DCDC1: variants seen among roughly 807,000 people sequenced by gnomAD.
DCDC1 encodes doublecortin domain containing 1.
Under a neutral mutation model 178.3 loss-of-function variants are expected in DCDC1, and 200 were observed. The observed-to-expected ratio is 1.12, with a 90% CI of 1.00 to 1.26. The LOEUF (loss-of-function observed/expected upper bound fraction) is 1.26. Ranked by LOEUF, DCDC1 falls within the 50% of genes most tolerant of loss-of-function variation. The pLI is 0.00. For missense variants in DCDC1, 1,983 were observed against 1,749.2 expected, an observed-to-expected ratio of 1.13 and a Z score of -2.38; for synonymous variants, 690 against 604.8, an observed-to-expected ratio of 1.14 and a Z score of -2.07.
chr11:31,089,930 T>G (rs1032129174), intron 17 of DCDC1, among the ~76,000 whole-genome samples: 1 of 152,168 alleles, frequency 6.6e-6, no homozygotes, highest in African/African-American at 2.4e-5. Flanking sequence ...AATTGATTGA[T>G]TTTTCTCTTT....
chr11:31,115,884 T>C (rs555295869), intron 11 of DCDC1, among the ~76,000 whole-genome samples: 9 of 150,860 alleles, frequency 6.0e-5, no homozygotes, highest in Non-Finnish European at 1.3e-4. Context: ...CAACCAAATG[T>C]TGGATGCAGG....
chr11:30,952,582 T>TA lies in DCDC1; in HGVS notation c.2592-15dup, dbSNP rs749309462. Reference sequence around the variant, plus strand: ...TTTATGGCCCACCTAAAACAAAAGATAAAAAACAAAAAGAAATTTAGCAAG... The same window carrying TA: ...TTTATGGCCCACCTAAAACAAAAGATAAAAAAACAAAAAGAAATTTAGCAAG... On this transcript the variant is annotated splice_polypyrimidine_tract_variant and intron_variant, in intron 20 of 38. Coordinates refer to ENST00000684477, the MANE Select transcript of DCDC1 (RefSeq NM_001387274.1). 4 of 1,166,478 alleles carry TA rather than the reference T, an allele frequency of 3.4e-6. No homozygotes were observed. Among genetic ancestry groups the TA allele is most frequent in the East Asian group, 2.4e-5 (1 of 41,076 alleles). 72.3% of individuals were successfully genotyped at this position (1,166,478 alleles called of 1,614,324 possible). A position where few individuals can be genotyped will look rare whatever the true frequency, so the allele number is the denominator to read the frequency against.
intron 6 of DCDC1, among the ~76,000 whole-genome samples, chr11:31,292,916 C>T (rs1947340970): frequency 6.6e-6 from 1 of 151,878 alleles, no homozygotes; most frequent in Non-Finnish European, 1.5e-5. Flanking sequence ...GGGAGTTTAC[C>T]CACAATCTGG....
At chr11:31,060,738 G>A (rs1955864573) in intron 20 of DCDC1, among the ~76,000 whole-genome samples, 1 of 152,040 alleles carries the variant, frequency 6.6e-6, no homozygotes, top group African/African-American at 2.4e-5. Context: ...ATTTAAAAAT[G>A]TGACAAAAAC....
chr11:31,213,688 C>G (rs1384067456), intron 9 of DCDC1, among the ~76,000 whole-genome samples: 1 of 151,482 alleles, frequency 6.6e-6, no homozygotes, highest in Non-Finnish European at 1.5e-5. Context: ...CCACTGCACT[C>G]CAGCTTGGGT....
rs534568860 is a variant in DCDC1 at position 31,094,910 on chromosome 11, A to G, written c.1984-726T>C. ...CTACACCCATCAACCCGTCATCTAC[A>G]TTAGGTATTTCTCCTAATGCTATCC... On this transcript the variant is annotated intron_variant, in intron 15 of 38. Coordinates refer to ENST00000684477, the MANE Select transcript of DCDC1 (RefSeq NM_001387274.1). 1.1e-4 allele frequency among the ~76,000 whole-genome samples: 17 copies of G among 152,244 alleles called. 1 individual carries two copies. In the South Asian group the frequency reaches 3.5e-3, roughly 32 times the overall value.
chr11:31,329,549 TG>T (rs1228352765), intron 2 of DCDC1, among the ~76,000 whole-genome samples: 1 of 152,050 alleles, frequency 6.6e-6, no homozygotes, highest in African/African-American at 2.4e-5. Context: ...CCTCCAGCCC[TG>T]CCCCCCACCC....
At chr11:30,880,254 AC>A (rs1942534281) in intron 37 of DCDC1, among the ~76,000 whole-genome samples, 1 of 152,098 alleles carries the variant, frequency 6.6e-6, no homozygotes, top group Non-Finnish European at 1.5e-5. Flanking sequence ...AAGGACTGGC[AC>A]CTCATCCATA....
chr11:31,283,035 C>A (rs2774411), intron 7 of DCDC1, among the ~76,000 whole-genome samples: 14,111 of 152,156 alleles, frequency 0.093, 1,802 homozygotes, highest in African/African-American at 0.28. Flanking sequence ...CTGCTTACAG[C>A]AATGTGATTT....
At chr11:31,340,608 C>CT (rs1591807165) in intron 1 of DCDC1, among the ~76,000 whole-genome samples, 1 of 151,510 alleles carries the variant, frequency 6.6e-6, no homozygotes, top group Non-Finnish European at 1.5e-5. Flanking sequence ...TGTGTAGACT[C>CT]TGAGTAAAGC....
chr11:30,969,408 G>A (rs1949653532), intron 20 of DCDC1, among the ~76,000 whole-genome samples: 1 of 152,160 alleles, frequency 6.6e-6, no homozygotes, highest in African/African-American at 2.4e-5. Context: ...ACCAAAAGCT[G>A]AGAGGCAAGG....
intron 38 of DCDC1, among the ~76,000 whole-genome samples, chr11:30,876,223 C>T (rs1942106027): frequency 6.6e-6 from 1 of 152,136 alleles, no homozygotes; most frequent in South Asian, 2.1e-4. Flanking sequence ...ATCTGACTTA[C>T]ATATATGAGG....
intron 21 of DCDC1, chr11:30,943,734 A>G (rs1398968711): frequency 4.9e-6 from 2 of 412,322 alleles, no homozygotes; most frequent in African/African-American, 2.1e-5. Flanking sequence ...AGGCTTTACC[A>G]TATTTAAAAA....
At chr11:31,273,435 C>A (rs914566065) in intron 7 of DCDC1, among the ~76,000 whole-genome samples, 9 of 152,104 alleles carry the variant, frequency 5.9e-5, no homozygotes, top group Middle Eastern at 3.2e-3. Flanking sequence ...AGGGCAGGGG[C>A]AACATACCAC....
At chr11:31,229,447 A>G (rs1411158487) in intron 9 of DCDC1, among the ~76,000 whole-genome samples, 1 of 152,210 alleles carries the variant, frequency 6.6e-6, no homozygotes, top group Admixed American at 6.5e-5. Flanking sequence ...TATCTCAGAA[A>G]CATAAGGTTT....
chr11:31,143,577 A>G (rs1964105869), intron 9 of DCDC1, among the ~76,000 whole-genome samples: 1 of 152,218 alleles, frequency 6.6e-6, no homozygotes, highest in Non-Finnish European at 1.5e-5. Context: ...CAGTCTTACA[A>G]TGCAGGCAGA....
intron 1 of DCDC1, among the ~76,000 whole-genome samples, chr11:31,354,618 G>A (rs774695245): frequency 1.3e-5 from 2 of 152,162 alleles, no homozygotes; most frequent in Non-Finnish European, 2.9e-5. Flanking sequence ...AGAATGACAG[G>A]TCATATTATC....
intron 20 of DCDC1, among the ~76,000 whole-genome samples, chr11:31,052,611 G>A (rs896927086): frequency 6.6e-6 from 1 of 152,014 alleles, no homozygotes; most frequent in Non-Finnish European, 1.5e-5. Flanking sequence ...GCCATAAAAC[G>A]AGCCTCAATA....
At chr11:31,123,908 A>T (rs1163297082) in intron 11 of DCDC1, among the ~76,000 whole-genome samples, 20 of 152,248 alleles carry the variant, frequency 1.3e-4, no homozygotes, top group African/African-American at 4.8e-4. Context: ...AATTAAAATT[A>T]AAATTTAAGT....
Sources: gnomAD v4.1 joint callset for allele counts (sites outside exome capture counted in the v4.1 genomes callset) on GRCh38, gnomAD v4.1.1 for gene constraint, MANE v1.5 for transcripts, NCBI Gene and HGNC (gene_info 2026-07-23, HGNC 2026-07-21) for gene names.